CRISPLD2: variants seen among roughly 807,000 people sequenced by gnomAD.
CRISPLD2 encodes cysteine-rich secretory protein LCCL domain-containing 2.
In CRISPLD2, 47 loss-of-function variants were observed where a neutral mutation model predicts 71.1. The observed-to-expected ratio is 0.66, with a 90% CI of 0.52 to 0.84. CRISPLD2 has a LOEUF of 0.84. CRISPLD2 is among the 40% of genes least tolerant of loss of function. The probability of loss-of-function intolerance (pLI) is 0.00; values close to 1 mark genes in which losing one functional copy is unlikely to be tolerated. For missense variants in CRISPLD2, 830 were observed against 651.1 expected, an observed-to-expected ratio of 1.27 and a Z score of -2.99; for synonymous variants, 317 against 250.1, an observed-to-expected ratio of 1.27 and a Z score of -2.52.
At chr16:84,866,647 T>C (rs1917545516) in intron 6 of CRISPLD2, among the ~76,000 whole-genome samples, 2 of 152,142 alleles carry the variant, frequency 1.3e-5, no homozygotes, top group African/African-American at 4.8e-5. Context: ...TGCTAACCTC[T>C]GGGCAGCCTG....
rs745623153 is a variant in CRISPLD2, at chr16:84,877,412, C to T, written c.1157-26C>T. On this transcript the variant is annotated intron_variant, in intron 11 of 14. Coordinates refer to ENST00000262424, the MANE Select transcript of CRISPLD2 (RefSeq NM_031476.4). Reference sequence around the variant, plus strand: ...AGGCCCAGGCGTGCTGGGACCTGACCCTTTCCCCCTTGCTCCTGTTCACAG... The same window carrying T: ...AGGCCCAGGCGTGCTGGGACCTGACTCTTTCCCCCTTGCTCCTGTTCACAG... The T allele has an allele frequency of 3.3e-5, 53 of 1,610,786 alleles. No homozygotes were observed. The Admixed American group carries it at 8.7e-4, about 26-fold the overall frequency.
intron 2 of CRISPLD2, chr16:84,839,553 G>A (rs563994041): frequency 6.5e-6 from 1 of 153,254 alleles, no homozygotes; most frequent in Non-Finnish European, 1.5e-5. Flanking sequence ...GGAGCTAACG[G>A]TGACAGAAGA....
intron 2 of CRISPLD2, among the ~76,000 whole-genome samples, chr16:84,843,331 C>A (rs548453033): frequency 3.8e-4 from 58 of 152,196 alleles, no homozygotes; most frequent in African/African-American, 1.3e-3. Flanking sequence ...TTTGAGAAAG[C>A]GGCTTGGAAA....
intron 14 of CRISPLD2, among the ~76,000 whole-genome samples, chr16:84,905,948 G>A (rs1597490810): frequency 6.6e-6 from 1 of 151,922 alleles, no homozygotes. Context: ...GACCTCAGGT[G>A]GTCCACCCGC....
intron 14 of CRISPLD2, among the ~76,000 whole-genome samples, chr16:84,894,006 A>G (rs896040142): frequency 3.3e-5 from 5 of 152,194 alleles, no homozygotes; most frequent in South Asian, 4.1e-4. Flanking sequence ...GAATCCTTCA[A>G]TCACACAAAC....
chr16:84,878,522 C>G (rs1217559761), intron 12 of CRISPLD2, among the ~76,000 whole-genome samples: 1 of 152,210 alleles, frequency 6.6e-6, no homozygotes, highest in African/African-American at 2.4e-5. Flanking sequence ...TTTATTCTTT[C>G]AAATCCTCAT....
intron 1 of CRISPLD2, among the ~76,000 whole-genome samples, chr16:84,834,905 T>C (rs1916578454): frequency 6.6e-6 from 1 of 152,026 alleles, no homozygotes; most frequent in South Asian, 2.1e-4. Flanking sequence ...ATTACCTTAA[T>C]CACCTCCGCA....
chr16:84,871,222 C>T (rs1453370090), intron 8 of CRISPLD2, among the ~76,000 whole-genome samples: 2 of 152,110 alleles, frequency 1.3e-5, no homozygotes. Context: ...ATTTACACTT[C>T]CATGAACAGC....
At chr16:84,867,608 C>A (rs1597467402) in intron 7 of CRISPLD2, among the ~76,000 whole-genome samples, 3 of 152,160 alleles carry the variant, frequency 2.0e-5, no homozygotes, top group Admixed American at 1.3e-4. Context: ...CTCTTGTCAC[C>A]CAGGTTGGAG....
intron 14 of CRISPLD2, among the ~76,000 whole-genome samples, chr16:84,902,226 A>G (rs537701871): frequency 1.4e-4 from 21 of 152,312 alleles, no homozygotes; most frequent in African/African-American, 4.8e-4. Context: ...GTATCAGGCA[A>G]TATCCCAAGT....
intron 6 of CRISPLD2, 86 bp from the exon 7 acceptor site, chr16:84,866,811 A>G (rs1253031003): frequency 4.7e-6 from 6 of 1,285,662 alleles, no homozygotes; most frequent in South Asian, 1.3e-5. Flanking sequence ...AAACACGTTT[A>G]GTTTTCAAAT....
At chr16:84,838,849 C>G in intron 2 of CRISPLD2, 114 bp downstream of exon 2, 1 of 1,338,364 alleles carries the variant, frequency 7.5e-7, no homozygotes, top group Admixed American at 2.0e-5. Context: ...ATGGCTGGCT[C>G]AGGGTCTCCT....
At chr16:84,849,555 C>T (rs1444574561) in intron 4 of CRISPLD2, 38 bp downstream of exon 4, 1 of 1,603,566 alleles carries the variant, frequency 6.2e-7, no homozygotes, top group Non-Finnish European at 8.5e-7. Flanking sequence ...GCCCTGCCCC[C>T]CAATCCCAGT....
rs192959666 is a variant in CRISPLD2, at chr16:84,824,072, C to T, written c.-75+3939C>T. 2.8e-4 allele frequency among the ~76,000 whole-genome samples: 43 copies of T among 152,166 alleles called. 1 individual carries two copies. Among genetic ancestry groups the T allele is most frequent in the Admixed American group, 1.6e-3 (25 of 15,292 alleles). On this transcript the variant is annotated intron_variant, in intron 1 of 14. Coordinates refer to ENST00000262424, the MANE Select transcript of CRISPLD2 (RefSeq NM_031476.4). ...GACTGACTTGAGAAGAGCCTGATAA[C>T]GCCTAGAGGAAACAGGCAGGGTTTT...
intron 7 of CRISPLD2, 91 bp from the exon 8 acceptor site, chr16:84,868,760 G>T (rs1917610796): frequency 9.5e-7 from 1 of 1,047,662 alleles, no homozygotes; most frequent in Non-Finnish European, 1.5e-6. Context: ...TTGGATTGCA[G>T]AATGTTCCAG....
In CRISPLD2 at chr16:84,908,619, C is replaced by T. The variant is rs2071825417; in HGVS notation, c.*1977C>T. 1 of 151,798 alleles carries T rather than the reference C, an allele frequency of 6.6e-6. No individual in the cohort carries two copies. The allele number at this position is 151,798 out of a possible 1,614,324, so 9.4% of individuals were successfully genotyped here. A position where few individuals can be genotyped will look rare whatever the true frequency, so the allele number is the denominator to read the frequency against. On this transcript the variant is annotated 3_prime_UTR_variant, in exon 15 of 15. Coordinates refer to ENST00000262424, the MANE Select transcript of CRISPLD2 (RefSeq NM_031476.4). ...ATAAAGTCCCCGGGTTCCTTAATGC[C>T]TCCTTCACTGGGCCTTCCTAGCAGG...
intron 2 of CRISPLD2, among the ~76,000 whole-genome samples, chr16:84,844,185 G>T (rs375218421): frequency 6.6e-6 from 1 of 152,196 alleles, no homozygotes; most frequent in Non-Finnish European, 1.5e-5. Context: ...TCTGTTCATG[G>T]AATTCTCTCC....
intron 6 of CRISPLD2, 89 bp downstream of exon 6, chr16:84,854,918 A>T: frequency 1.0e-6 from 1 of 973,138 alleles, no homozygotes; most frequent in Non-Finnish European, 1.6e-6. Context: ...GGAATTAAAG[A>T]AGTCAGTCAC....
chr16:84,875,774 C>T (rs893650759), intron 11 of CRISPLD2, among the ~76,000 whole-genome samples: 4 of 150,228 alleles, frequency 2.7e-5, no homozygotes, highest in African/African-American at 9.8e-5. Context: ...CCACGTTGGC[C>T]AGGCTGGTCT....
Sources: gnomAD v4.1 joint callset for allele counts (sites outside exome capture counted in the v4.1 genomes callset) on GRCh38, gnomAD v4.1.1 for gene constraint, MANE v1.5 for transcripts, NCBI Gene and HGNC (gene_info 2026-07-23, HGNC 2026-07-21) for gene names.